MDH2: variants seen among roughly 807,000 people sequenced by gnomAD.
MDH2 encodes the protein malate dehydrogenase 2.
In MDH2, 25 loss-of-function variants were observed where a neutral mutation model predicts 33.6. The ratio of observed to expected loss-of-function variants is 0.74; its 90% CI spans 0.54 to 1.04. The LOEUF (loss-of-function observed/expected upper bound fraction) is 1.04. MDH2 is among the 50% of genes least tolerant of loss of function. The pLI is 0.00. For missense variants in MDH2, 432 were observed against 445.0 expected (o/e 0.97, Z 0.26); for synonymous variants, 193 against 188.7 (o/e 1.02, Z -0.19).
chr7:76,062,450 C>T (rs1001329840), intron 5 of MDH2, among the ~76,000 whole-genome samples: 5 of 152,228 alleles, frequency 3.3e-5, no homozygotes, highest in South Asian at 2.1e-4. Context: ...CTTTGGCTCC[C>T]GGCTCCATGA....
rs782403300 is a variant in MDH2, at chr7:76,063,571, C to T, written c.612C>T (p.Thr204=). The T allele has an allele frequency of 2.5e-6, 4 of 1,614,226 alleles. No homozygotes were observed. Among genetic ancestry groups the T allele is most frequent in the South Asian group, 2.2e-5 (2 of 91,084 alleles). The change falls in exon 6 of 9, where the codon ACC becomes ACT. Residue 204 remains threonine, a synonymous_variant. Transcript: ENST00000315758. ...TCATTGGTGGCCATGCTGGGAAGAC[C>T]ATCATCCCCCTGATCTCTCAGGTAC... ...VPVIGGHAGK[T]IIPLISQCTP... is the part of the protein sequence containing the mutation.
chr7:76,058,358 A>G (rs1797848330), intron 4 of MDH2, among the ~76,000 whole-genome samples: 1 of 152,176 alleles, frequency 6.6e-6, no homozygotes, highest in African/African-American at 2.4e-5. Context: ...TCCCCACCTG[A>G]AGAGAAGTCC....
chr7:76,054,240 C>A (rs1467564149), intron 1 of MDH2, among the ~76,000 whole-genome samples: 4 of 145,796 alleles, frequency 2.7e-5, no homozygotes, highest in Non-Finnish European at 6.1e-5. Context: ...GTAACCCCTT[C>A]CACCTCTTGT....
intron 2 of MDH2, among the ~76,000 whole-genome samples, chr7:76,055,429 ATGT>A (rs1194306264): frequency 6.6e-6 from 1 of 151,852 alleles, no homozygotes; most frequent in East Asian, 1.9e-4. Context: ...TATTCAGTAA[ATGT>A]TGTCTGGAAA....
chr7:76,051,082 G>A lies in MDH2; in HGVS notation c.66+2856G>A, dbSNP rs886827849. ...GTATTTTCAGTAGAGATGGGGTTTC[G>A]CCATGTTGGCCAGGCTGGTCTCAAA... is the stretch of plus-strand genomic sequence containing the variant. On this transcript the variant is annotated intron_variant, in intron 1 of 8. Transcript: ENST00000315758. Among the ~76,000 whole-genome samples the A allele has an allele frequency of 4.6e-5, 7 of 151,856 alleles. No individual in the cohort carries two copies. In the East Asian group the frequency reaches 7.8e-4, roughly 17 times the overall value.
Position 76,054,905 on chromosome 7 carries a change from C to G in MDH2, c.142C>G (p.Pro48Ala). Residue 48 changes from proline to alanine, a missense_variant, in exon 2 of 9, where the codon CCC becomes GCC. By Grantham distance (27) the Pro-to-Ala change is conservative. Transcript: ENST00000315758. ...ACTTTCACTTCTCCTGAAGAACAGCCCCTTGGTGAGCCGCCTGACCCTCTA... is the reference window on the plus strand; with the variant it reads ...ACTTTCACTTCTCCTGAAGAACAGCGCCTTGGTGAGCCGCCTGACCCTCTA... Reference protein sequence around the residue: ...QPLSLLLKNSPLVSRLTLYDI... With the variant: ...QPLSLLLKNSALVSRLTLYDI... 4.3e-6 allele frequency: 7 copies of G among 1,614,154 alleles called. No homozygotes were observed. Among genetic ancestry groups the G allele is most frequent in the Non-Finnish European group, 5.9e-6 (7 of 1,180,034 alleles).
chr7:76,057,171 C>A (rs919651317), intron 2 of MDH2, among the ~76,000 whole-genome samples: 2 of 152,108 alleles, frequency 1.3e-5, no homozygotes, highest in African/African-American at 4.8e-5. Flanking sequence ...GAGGGCTGAC[C>A]CATTCTAGCT....
Position 76,049,604 on chromosome 7 carries a change from G to A in MDH2, c.66+1378G>A, listed in dbSNP as rs552787089. ...GGCAGCCAACCAAAGAGAGGACAGGGGTGTCCAGGGAGAGGTTGAGTTTTG... is the reference window on the plus strand; with the variant it reads ...GGCAGCCAACCAAAGAGAGGACAGGAGTGTCCAGGGAGAGGTTGAGTTTTG... On this transcript the variant is annotated intron_variant, in intron 1 of 8. Transcript: ENST00000315758. Among the ~76,000 whole-genome samples the A allele has an allele frequency of 3.3e-4, 50 of 152,124 alleles. No individual in the cohort carries two copies. In the South Asian group the frequency reaches 3.5e-3, roughly 11 times the overall value.
chr7:76,065,712 G>A (rs1798077448), intron 8 of MDH2, among the ~76,000 whole-genome samples: 2 of 152,200 alleles, frequency 1.3e-5, no homozygotes, highest in African/African-American at 4.8e-5. Flanking sequence ...GTTGAGGTGA[G>A]GACTGAGGCT....
Position 76,064,064 on chromosome 7 carries a change from C to A in MDH2, c.634-275C>A, listed in dbSNP as rs144773628. On this transcript the variant is annotated intron_variant, in intron 6 of 8. Coordinates refer to ENST00000315758, the MANE Select transcript of MDH2 (RefSeq NM_005918.4). ...ATGAGTAGGGGACTCACCACACTTC[C>A]CAACAGAGTTGATTTCACTTCGTCT... Among the ~76,000 whole-genome samples, 994 of 151,940 alleles carry A rather than the reference C, an allele frequency of 6.5e-3. 12 individuals carry two copies. Among genetic ancestry groups the A allele is most frequent in the African/African-American group, 0.021 (863 of 41,490 alleles).
Position 76,048,453 on chromosome 7 carries a change from C to G in MDH2, c.66+227C>G. 3.5e-6 allele frequency: 4 copies of G among 1,147,590 alleles called. 1 individual carries two copies. The highest frequency in any genetic ancestry group is 4.6e-6 in the Non-Finnish European group (4 of 863,042). 71.1% of individuals were successfully genotyped at this position (1,147,590 alleles called of 1,614,324 possible). On this transcript the variant is annotated intron_variant, in intron 1 of 8. Transcript: ENST00000315758. ...AGGTAGTCCCGCTCCAGGGCCGGTC[C>G]ATTTGTCAGGGTTCCCCCAGGTCTC...
chr7:76,061,478 C>T lies in MDH2; in HGVS notation c.555+980C>T, dbSNP rs1349187771. Among the ~76,000 whole-genome samples, 3 of 152,146 alleles carry T rather than the reference C, an allele frequency of 2.0e-5. No individual in the cohort carries two copies. The South Asian group carries it at 6.2e-4, about 32-fold the overall frequency. ...CATGGAATGGGAGAGACACTTGAAT[C>T]GAAGAGACAGTTTAAGCCTGGCACA... is the stretch of plus-strand genomic sequence containing the variant. On this transcript the variant is annotated intron_variant, in intron 5 of 8. Transcript: ENST00000315758.
rs147689281 is a variant in MDH2 at position 76,057,471 on chromosome 7, G to A, written c.297G>A (p.Pro99=). 190 of 1,614,000 alleles carry A rather than the reference G, an allele frequency of 1.2e-4. No individual in the cohort carries two copies. The highest frequency in any genetic ancestry group is 3.3e-4 in the Middle Eastern group (2 of 6,084). The change falls in exon 3 of 9, where the codon CCG becomes CCA. Residue 99 remains proline (P), a synonymous_variant. Transcript: ENST00000315758. Reference sequence around the variant, plus strand: ...AAGGTTGTGATGTGGTAGTTATTCCGGCTGGAGTCCCCAGAAAGCCAGGTT... The same window carrying A: ...AAGGTTGTGATGTGGTAGTTATTCCAGCTGGAGTCCCCAGAAAGCCAGGTT... The part of the protein sequence containing the change: ...CLKGCDVVVI[P]AGVPRKPGMT...
chr7:76,052,183 TAGATAA>T (rs1451643158), intron 1 of MDH2, among the ~76,000 whole-genome samples: 3 of 152,054 alleles, frequency 2.0e-5, no homozygotes, highest in African/African-American at 4.8e-5. Context: ...AATTCTTTGT[TAGATAA>T]AGATAGAGAC....
intron 1 of MDH2, chr7:76,049,178 T>C (rs1797498411): frequency 1.1e-6 from 1 of 877,324 alleles, no homozygotes; most frequent in South Asian, 5.3e-5. Context: ...ATACAAATGC[T>C]CCTGGATTGA....
rs1271162530 is a variant in MDH2, at chr7:76,066,785, C to G, written c.*375C>G. On this transcript the variant is annotated 3_prime_UTR_variant, in exon 9 of 9. Coordinates refer to ENST00000315758, the MANE Select transcript of MDH2 (RefSeq NM_005918.4). Reference sequence around the variant, plus strand: ...GAATTGGACACAGTATTCAGTTTACCCGTACATGCTCCTCCCGCCCCTCCT... The same window carrying G: ...GAATTGGACACAGTATTCAGTTTACGCGTACATGCTCCTCCCGCCCCTCCT... 1 of 158,244 alleles carries G rather than the reference C, an allele frequency of 6.3e-6. No homozygotes were observed. Among genetic ancestry groups the G allele is most frequent in the Non-Finnish European group, 1.4e-5 (1 of 71,968 alleles). The allele number at this position is 158,244 out of a possible 1,614,324, so 9.8% of individuals were successfully genotyped here.
chr7:76,052,002 C>T (rs1243845093), intron 1 of MDH2, among the ~76,000 whole-genome samples: 1 of 152,134 alleles, frequency 6.6e-6, no homozygotes, highest in Non-Finnish European at 1.5e-5. Context: ...TGGTGACATC[C>T]TGTAATATAC....
chr7:76,054,907 C>T lies in MDH2; in HGVS notation c.144C>T (p.Pro48=). The T allele has an allele frequency of 6.2e-7, 1 of 1,614,162 alleles. No homozygotes were observed. The highest frequency in any genetic ancestry group is 8.5e-7 in the Non-Finnish European group (1 of 1,180,028). ...QPLSLLLKNS[P]LVSRLTLYDI... ...TTTCACTTCTCCTGAAGAACAGCCCCTTGGTGAGCCGCCTGACCCTCTATG... is the reference window on the plus strand; with the variant it reads ...TTTCACTTCTCCTGAAGAACAGCCCTTTGGTGAGCCGCCTGACCCTCTATG... The change falls in exon 2 of 9, where the codon CCC becomes CCT. Residue 48 remains proline (P), a synonymous_variant. Coordinates refer to ENST00000315758, the MANE Select transcript of MDH2 (RefSeq NM_005918.4).
chr7:76,060,621 T>C, intron 5 of MDH2, 123 bp downstream of exon 5: 1 of 1,406,336 alleles, frequency 7.1e-7, no homozygotes, highest in Non-Finnish European at 9.5e-7. Flanking sequence ...GGGTTTTAAA[T>C]GTTTTTAGAG....
Sources: gnomAD v4.1 joint callset for allele counts (sites outside exome capture counted in the v4.1 genomes callset) on GRCh38, gnomAD v4.1.1 for gene constraint, MANE v1.5 for transcripts, NCBI Gene and HGNC (gene_info 2026-07-23, HGNC 2026-07-21) for gene names.